SORL1: variants seen among roughly 807,000 people sequenced by gnomAD.
SORL1 encodes the protein sortilin-related receptor.
A neutral mutation model predicts 273.7 loss-of-function variants in SORL1; 127 were observed. The ratio of observed to expected loss-of-function variants is 0.46; its 90% confidence interval spans 0.40 to 0.54. The LOEUF (loss-of-function observed/expected upper bound fraction) is 0.54, where lower values mean the gene tolerates loss of function less well. Ranked by LOEUF, SORL1 falls within the 20% of genes least tolerant of loss-of-function variation. The pLI, the probability that SORL1 is intolerant of heterozygous loss-of-function variation, is 0.00. For missense variants in SORL1, 2,494 were observed against 2,846.1 expected (o/e 0.88, Z 2.81); for synonymous variants, 1,031 against 1,067.4 (o/e 0.97, Z 0.66).
chr11:121,493,698 A>G (rs1052840412), intron 5 of SORL1, among the ~76,000 whole-genome samples: 1 of 152,046 alleles, frequency 6.6e-6, no homozygotes, highest in Non-Finnish European at 1.5e-5. Context: ...CTAGTTTTTC[A>G]TTTGTTTTTA....
chr11:121,556,664 A>G (rs1862591070), intron 18 of SORL1, among the ~76,000 whole-genome samples: 1 of 152,210 alleles, frequency 6.6e-6, no homozygotes, highest in South Asian at 2.1e-4. Context: ...GTGCAGAGCT[A>G]CTGATGCTTA....
At chr11:121,587,735 A>G (rs1863138843) in intron 27 of SORL1, among the ~76,000 whole-genome samples, 1 of 152,142 alleles carries the variant, frequency 6.6e-6, no homozygotes, top group Non-Finnish European at 1.5e-5. Flanking sequence ...CTTCATCTTC[A>G]TCAGCTGTGT....
chr11:121,582,352 C>T (rs1863025610), intron 25 of SORL1, among the ~76,000 whole-genome samples: 1 of 152,246 alleles, frequency 6.6e-6, no homozygotes, highest in Non-Finnish European at 1.5e-5. Flanking sequence ...TGTTTTGTTT[C>T]TTTCCGTTGT....
rs116138306 is a variant in SORL1, at chr11:121,522,675, G to A, written c.1494G>A (p.Glu498=). The A allele has an allele frequency of 6.3e-4, 1,020 of 1,614,042 alleles. 5 individuals are homozygous for A. The African/African-American group carries it at 9.6e-3, about 15-fold the overall frequency. The change falls in exon 10 of 48, where the codon GAG becomes GAA. Residue 498 remains glutamate, a synonymous_variant. Coordinates refer to ENST00000260197, the MANE Select transcript of SORL1 (RefSeq NM_003105.6). Reference sequence around the variant, plus strand: ...GGAGAATGCCCATCCTGTCCAAGGAGTCGGCTCCAGGCCTCATCATCGCCA... The same window carrying A: ...GGAGAATGCCCATCCTGTCCAAGGAATCGGCTCCAGGCCTCATCATCGCCA... The part of the protein sequence containing the change: ...QLRRMPILSK[E]SAPGLIIATG...
intron 11 of SORL1, among the ~76,000 whole-genome samples, chr11:121,526,777 T>C (rs1264288908): frequency 6.6e-6 from 1 of 152,200 alleles, no homozygotes; most frequent in Non-Finnish European, 1.5e-5. Context: ...ATTTTTTATA[T>C]ATTCATCTTG....
At chr11:121,512,140 C>T (rs538358991) in intron 6 of SORL1, among the ~76,000 whole-genome samples, 20 of 152,204 alleles carry the variant, frequency 1.3e-4, no homozygotes, top group Admixed American at 6.5e-4. Flanking sequence ...ATAAAACGTA[C>T]GGAGCCTCCA....
Position 121,588,133 on chromosome 11 carries a change from G to A in SORL1, c.3928G>A (p.Ala1310Thr), listed in dbSNP as rs559241857. ...GTGCCGCGACGGGTCCGATGAGGAT[G>A]CGGCGTTTGCAGGATGCTGTGAGTT... ...IQCRDGSDED[A>T]AFAGCSQDPE... Residue 1310 changes from alanine to threonine, a missense_variant, in exon 28 of 48, where the codon GCG becomes ACG. This residue lies in a region of SORL1 where 1,609 missense variants were observed against 1,816.4 expected (regional missense o/e 0.89). Coordinates refer to ENST00000260197, the MANE Select transcript of SORL1 (RefSeq NM_003105.6). 4 of 1,613,556 alleles carry A rather than the reference G, an allele frequency of 2.5e-6. No homozygotes were observed. The South Asian group carries it at 3.3e-5, about 13-fold the overall frequency.
intron 32 of SORL1, among the ~76,000 whole-genome samples, chr11:121,597,544 T>C (rs1277340490): frequency 6.6e-6 from 1 of 151,938 alleles, no homozygotes; most frequent in Admixed American, 6.6e-5. Flanking sequence ...TCACTGCAGC[T>C]TCCGCCTTTC....
intron 13 of SORL1, 130 bp downstream of exon 13, chr11:121,543,856 G>A: frequency 6.4e-6 from 5 of 781,972 alleles, no homozygotes; most frequent in Middle Eastern, 3.9e-4. Flanking sequence ...GCCCATAAGA[G>A]TTAGCAAAAA....
rs555638104 is a variant in SORL1 at position 121,625,669 on chromosome 11, T to G, written c.6364+392T>G. Among the ~76,000 whole-genome samples, 14 of 152,166 alleles carry G rather than the reference T, an allele frequency of 9.2e-5. No individual in the cohort carries two copies. In the South Asian group the frequency reaches 2.7e-3, roughly 29 times the overall value. On this transcript the variant is annotated intron_variant, in intron 46 of 47. Coordinates refer to ENST00000260197, the MANE Select transcript of SORL1 (RefSeq NM_003105.6). The stretch of plus-strand genomic sequence containing the variant: ...CTTGTCATGGATTTTACATGTAAAA[T>G]CATATAACTGATTTTACAGTGCACA...
chr11:121,561,605 C>G (rs1862675304), intron 21 of SORL1, among the ~76,000 whole-genome samples: 1 of 151,364 alleles, frequency 6.6e-6, no homozygotes, highest in Non-Finnish European at 1.5e-5. Flanking sequence ...GGGAGCATCA[C>G]CTGAGCTCGG....
rs181722633 is a variant in SORL1 at position 121,550,858 on chromosome 11, C to T, written c.2266+188C>T. ...CACTGAACTTGTACATAGCCATACC[C>T]GTTTTTAGGAATGGAAAGTACTTTG... is the stretch of plus-strand genomic sequence containing the variant. On this transcript the variant is annotated intron_variant, in intron 16 of 47. Coordinates refer to ENST00000260197, the MANE Select transcript of SORL1 (RefSeq NM_003105.6). This position sits in a 1 kb window ranked among gnomAD's most constrained non-coding sequence, Gnocchi z 5.3. 6.6e-6 allele frequency among the ~76,000 whole-genome samples: 1 copy of T among 152,302 alleles called. No individual in the cohort carries two copies. The highest frequency in any genetic ancestry group is 1.9e-4 in the East Asian group (1 of 5,192).
intron 32 of SORL1, among the ~76,000 whole-genome samples, chr11:121,602,749 A>G (rs990049892): frequency 2.6e-5 from 4 of 151,880 alleles, no homozygotes; most frequent in Admixed American, 2.6e-4. Context: ...TTGTGTGTAC[A>G]CTCTCTTTAT....
chr11:121,590,240 A>G (rs77819448), intron 30 of SORL1, 66 bp downstream of exon 30: 20,941 of 1,515,156 alleles, frequency 0.014, 184 homozygotes, highest in Middle Eastern at 0.017. Context: ...TCCACCAGCT[A>G]TGCAGGATGT....
intron 8 of SORL1, among the ~76,000 whole-genome samples, chr11:121,519,542 C>A (rs918428988): frequency 6.6e-6 from 1 of 152,104 alleles, no homozygotes; most frequent in African/African-American, 2.4e-5. Flanking sequence ...GAATATAACC[C>A]CAAGCTTTCT....
At chr11:121,505,307 C>T (rs1359112760) in intron 6 of SORL1, among the ~76,000 whole-genome samples, 4 of 151,494 alleles carry the variant, frequency 2.6e-5, no homozygotes, top group Non-Finnish European at 4.4e-5. Context: ...TATTTCTTTC[C>T]TAATTTTAGT....
chr11:121,478,194 G>A lies in SORL1; in HGVS notation c.479G>A (p.Ser160Asn), dbSNP rs770587574. ...TTAAACTTTGGCTTGGGAAATAGGAGTGAAGCTGTTATCGCCCAGTTCTAC... is the reference window on the plus strand; with the variant it reads ...TTAAACTTTGGCTTGGGAAATAGGAATGAAGCTGTTATCGCCCAGTTCTAC... ...DKLNFGLGNRSEAVIAQFYHS... is the reference protein window; with the variant it reads ...DKLNFGLGNRNEAVIAQFYHS... Residue 160 changes from serine to asparagine, a missense_variant, in exon 3 of 48, where the codon AGT becomes AAT. Physicochemically the swap from Ser to Asn is conservative, Grantham distance 46. Around this residue, in one of 3 missense-constraint regions of SORL1, gnomAD observed 710 missense variants for 882.5 expected, o/e 0.80. Coordinates refer to ENST00000260197, the MANE Select transcript of SORL1 (RefSeq NM_003105.6). 1 of 1,614,204 alleles carries A rather than the reference G, an allele frequency of 6.2e-7. No individual in the cohort carries two copies. The highest frequency in any genetic ancestry group is 1.7e-5 in the Admixed American group (1 of 60,030).
At chr11:121,622,083 A>T in intron 44 of SORL1, 79 bp from the exon 45 acceptor site, 5 of 823,536 alleles carry the variant, frequency 6.1e-6, no homozygotes, top group Non-Finnish European at 9.9e-6. Flanking sequence ...GCATTATTTA[A>T]TCTCTCTTTG....
intron 3 of SORL1, among the ~76,000 whole-genome samples, chr11:121,480,942 C>G (rs543975666): frequency 7.9e-6 from 1 of 127,316 alleles, no homozygotes; most frequent in Admixed American, 7.5e-5. Context: ...AGCTCCTCCC[C>G]TAGTGCACAG....
Sources: gnomAD v4.1 joint callset for allele counts (sites outside exome capture counted in the v4.1 genomes callset) on GRCh38, gnomAD v4.1.1 for gene constraint, gnomAD v4.1.1 regional missense constraint, Gnocchi (gnomAD v3.1) non-coding constraint, MANE v1.5 for transcripts, NCBI Gene and HGNC (gene_info 2026-07-23, HGNC 2026-07-21) for gene names.